Variants in SLC4A8 observed in about 807,000 individuals in gnomAD.
SLC4A8 encodes the protein solute carrier family 4 member 8.
SLC4A8 carries 40 observed loss-of-function variants against 125.0 expected under a neutral mutation model. The observed-to-expected ratio is 0.32, with a 90% CI of 0.25 to 0.42. The LOEUF (loss-of-function observed/expected upper bound fraction) is 0.42, where lower values mean the gene tolerates loss of function less well. Among genes scored for constraint, SLC4A8 ranks in the 10% least tolerant of loss-of-function variants. SLC4A8 has a pLI of 1.00. For synonymous variants in SLC4A8, 456 were observed against 476.0 expected (o/e 0.96, Z 0.55); for missense variants, 863 against 1,355.1 (o/e 0.64, Z 5.70).
At chr12:51,448,186 G>C (rs1036370672) in intron 2 of SLC4A8, among the ~76,000 whole-genome samples, 1 of 152,224 alleles carries the variant, frequency 6.6e-6, no homozygotes, top group East Asian at 1.9e-4. Context: ...GCCATGATCA[G>C]AGATGTAACT....
intron 16 of SLC4A8, among the ~76,000 whole-genome samples, chr12:51,481,780 A>G (rs1355751126): frequency 6.6e-6 from 1 of 151,470 alleles, no homozygotes; most frequent in Admixed American, 6.6e-5. Context: ...CTATCTCTAC[A>G]AAGTATATAT....
chr12:51,415,331 A>C (rs186874769), intron 1 of SLC4A8, among the ~76,000 whole-genome samples: 16 of 152,284 alleles, frequency 1.1e-4, no homozygotes, highest in Admixed American at 2.0e-4. Flanking sequence ...GTTCTTCTTA[A>C]GTGTTTGATA....
At chr12:51,459,918 C>G in intron 7 of SLC4A8, 33 bp from the exon 8 acceptor site, 1 of 1,580,788 alleles carries the variant, frequency 6.3e-7, no homozygotes, top group Non-Finnish European at 8.6e-7. Flanking sequence ...GTGGTGGTTC[C>G]CAAGTTGTCA....
rs113752296 is a variant in SLC4A8 at position 51,483,356 on chromosome 12, A to C, written c.2173-2431A>C. 5.3e-3 allele frequency among the ~76,000 whole-genome samples: 735 copies of C among 138,886 alleles called. 3 individuals are homozygous for C. The highest frequency in any genetic ancestry group is 0.02 in the African/African-American group (665 of 33,044). The allele number at this position is 138,886 out of a possible 152,430, so 91.1% of individuals were successfully genotyped here. ...AAAATAAAAGCTATTCTCACACACA[A>C]AAAAAAAAAAGAAAGAAAAAGAAAA... On this transcript the variant is annotated intron_variant, in intron 16 of 24. Transcript: ENST00000453097.
At chr12:51,426,322 A>G (rs1948976801) in intron 1 of SLC4A8, among the ~76,000 whole-genome samples, 1 of 152,212 alleles carries the variant, frequency 6.6e-6, no homozygotes, top group Admixed American at 6.5e-5. Context: ...TATTAAATGT[A>G]TTCAATCTCT....
At chr12:51,398,843 G>C (rs1225735325) in intron 1 of SLC4A8, among the ~76,000 whole-genome samples, 2 of 152,100 alleles carry the variant, frequency 1.3e-5, no homozygotes, top group African/African-American at 4.8e-5. Context: ...TCTGCCTCCC[G>C]GGTTCAAGCG....
chr12:51,453,597 G>A lies in SLC4A8; in HGVS notation c.472G>A (p.Val158Met). The change falls in exon 5 of 25, where the codon GTG (valine) becomes ATG (methionine). Residue 158 changes from valine to methionine, a missense_variant. Physicochemically the swap from Val to Met is conservative, Grantham distance 21 (BLOSUM62 1). This residue lies in a region of SLC4A8 where 390 missense variants were observed against 634.4 expected (regional missense o/e 0.61). Coordinates refer to ENST00000453097, the MANE Select transcript of SLC4A8 (RefSeq NM_001039960.3). ...DGGERWSKPY[V>M]ATLSLHSLFE... ...GGGAGAACGCTGGAGCAAGCCTTATGTGGCAACCCTTTCATTGCACAGCCT... is the reference window on the plus strand; with the variant it reads ...GGGAGAACGCTGGAGCAAGCCTTATATGGCAACCCTTTCATTGCACAGCCT... 6.2e-7 allele frequency: 1 copy of A among 1,614,218 alleles called. No individual in the cohort carries two copies. Among genetic ancestry groups the A allele is most frequent in the Non-Finnish European group, 8.5e-7 (1 of 1,180,022 alleles).
chr12:51,485,059 T>C (rs1176426164), intron 16 of SLC4A8, among the ~76,000 whole-genome samples: 1 of 152,048 alleles, frequency 6.6e-6, no homozygotes, highest in African/African-American at 2.4e-5. Context: ...TCTGTGTGTT[T>C]GGAGCAGAGT....
chr12:51,508,941 G>A lies in SLC4A8; in HGVS notation c.*1503G>A, dbSNP rs2292219. 6.6e-6 allele frequency: 1 copy of A among 152,458 alleles called. No individual in the cohort carries two copies. The highest frequency in any genetic ancestry group is 1.9e-4 in the East Asian group (1 of 5,194). 9.4% of individuals were successfully genotyped at this position (152,458 alleles called of 1,614,324 possible). On this transcript the variant is annotated 3_prime_UTR_variant, in exon 25 of 25. Coordinates refer to ENST00000453097, the MANE Select transcript of SLC4A8 (RefSeq NM_001039960.3). ...CCTTAGACTTTTAAAATATACTAAT[G>A]TATTCTAGTCTTACTCTAAAGACCT...
intron 2 of SLC4A8, among the ~76,000 whole-genome samples, chr12:51,446,842 G>A (rs1318371703): frequency 6.6e-6 from 1 of 152,168 alleles, no homozygotes; most frequent in Non-Finnish European, 1.5e-5. Context: ...GAACATTTAT[G>A]GAACAATGAC....
At chr12:51,473,563 C>T (rs1039336865) in intron 14 of SLC4A8, among the ~76,000 whole-genome samples, 2 of 152,056 alleles carry the variant, frequency 1.3e-5, no homozygotes, top group South Asian at 2.1e-4. Context: ...TCAGTCATGC[C>T]GTATCTTAGA....
In SLC4A8 at chr12:51,425,097, C is replaced by G. The variant is rs1174232319; in HGVS notation, c.48+62C>G. ...GGGGCGCAGCCTCCTCATCCTCTGC[C>G]CACCCTCCTTCCTTCTGCCCCCGAG... On this transcript the variant is annotated intron_variant, in intron 1 of 24. Transcript: ENST00000453097. The G allele has an allele frequency of 2.6e-6, 4 of 1,523,652 alleles. No homozygotes were observed. The African/African-American group carries it at 5.6e-5, about 21-fold the overall frequency. 94.4% of individuals were successfully genotyped at this position (1,523,652 alleles called of 1,614,324 possible). A position where few individuals can be genotyped will look rare whatever the true frequency, so the allele number is the denominator to read the frequency against.
At chr12:51,485,459 A>G (rs1173715527) in intron 16 of SLC4A8, among the ~76,000 whole-genome samples, 2 of 152,160 alleles carry the variant, frequency 1.3e-5, no homozygotes, top group African/African-American at 4.8e-5. Context: ...GTTTTTGGCT[A>G]GCACTGAGGA....
intron 14 of SLC4A8, 77 bp from the exon 15 acceptor site, chr12:51,474,265 T>G (rs1400307952): frequency 2.1e-6 from 2 of 961,618 alleles, no homozygotes; most frequent in Non-Finnish European, 3.2e-6. Context: ...TGACAGCCTT[T>G]AAACCAGTTG....
chr12:51,505,026 G>A (rs543246474), intron 23 of SLC4A8, among the ~76,000 whole-genome samples: 1 of 152,318 alleles, frequency 6.6e-6, no homozygotes, highest in South Asian at 2.1e-4. Flanking sequence ...GCATCACTGA[G>A]TTGGTTGTGG....
chr12:51,395,659 G>A (rs1213843511), intron 1 of SLC4A8, among the ~76,000 whole-genome samples: 1 of 152,148 alleles, frequency 6.6e-6, no homozygotes, highest in Non-Finnish European at 1.5e-5. Flanking sequence ...AGTGTGCAAG[G>A]GATGCCGTGA....
chr12:51,450,548 A>T (rs764070845), intron 2 of SLC4A8: 108 of 238,322 alleles, frequency 4.5e-4, no homozygotes, highest in Non-Finnish European at 7.1e-4. Context: ...ATTGCCTTTT[A>T]AAAAAATCAC....
At chr12:51,485,087 A>G (rs555056365) in intron 16 of SLC4A8, among the ~76,000 whole-genome samples, 47 of 152,192 alleles carry the variant, frequency 3.1e-4, no homozygotes, top group Non-Finnish European at 1.6e-4. Context: ...CAGGAGAGCA[A>G]TAAGAGCTGG....
intron 16 of SLC4A8, among the ~76,000 whole-genome samples, chr12:51,478,438 TA>T (rs75314667): frequency 3.2e-4 from 47 of 148,050 alleles, no homozygotes; most frequent in South Asian, 1.1e-3. Context: ...GACTCCATCT[TA>T]AAAAAAAAAA....
Sources: gnomAD v4.1 joint callset for allele counts (sites outside exome capture counted in the v4.1 genomes callset) on GRCh38, gnomAD v4.1.1 for gene constraint, gnomAD v4.1.1 regional missense constraint, MANE v1.5 for transcripts, NCBI Gene and HGNC (gene_info 2026-07-23, HGNC 2026-07-21) for gene names.